ZC3H15: variants seen among roughly 807,000 people sequenced by gnomAD.
ZC3H15 encodes the protein zinc finger CCCH-type containing 15, also known as zinc finger CCCH domain-containing protein 15.
ZC3H15 carries 15 observed loss-of-function variants against 51.2 expected under a neutral mutation model. The observed-to-expected ratio is 0.29, with a 90% CI of 0.20 to 0.45. The LOEUF (loss-of-function observed/expected upper bound fraction) is 0.45, where lower values mean the gene tolerates loss of function less well. Ranked by LOEUF, ZC3H15 falls within the 20% of genes least tolerant of loss-of-function variation. The pLI is 1.00. For missense variants in ZC3H15, 381 were observed against 494.7 expected (o/e 0.77, Z 2.18); for synonymous variants, 144 against 162.8 (o/e 0.88, Z 0.88).
chr2:186,505,772 T>C lies in ZC3H15; in HGVS notation c.897T>C (p.Pro299=), dbSNP rs78867294. 4.5e-5 allele frequency: 72 copies of C among 1,614,148 alleles called. 1 individual carries two copies. In the African/African-American group the frequency reaches 9.3e-4, roughly 21 times the overall value. The change falls in exon 8 of 10, where the codon CCT becomes CCC. Residue 299 remains proline (P), a synonymous_variant. Coordinates refer to ENST00000337859, the MANE Select transcript of ZC3H15 (RefSeq NM_018471.3). Reference sequence around the variant, plus strand: ...GTCGTGAAGTGTTTGAATTTCGTCCTGAACTGGTCAATGATGATGATGAGG... The same window carrying C: ...GTCGTGAAGTGTTTGAATTTCGTCCCGAACTGGTCAATGATGATGATGAGG... ...ISGREVFEFR[P]ELVNDDDEEA...
chr2:186,491,112 T>C (rs188284967), intron 1 of ZC3H15, among the ~76,000 whole-genome samples: 10 of 152,320 alleles, frequency 6.6e-5, no homozygotes, highest in Admixed American at 5.9e-4. Context: ...GTGCTATTGG[T>C]ATCTCAGATC....
intron 1 of ZC3H15, among the ~76,000 whole-genome samples, chr2:186,489,689 A>C (rs867977763): frequency 6.6e-6 from 1 of 152,158 alleles, no homozygotes; most frequent in Non-Finnish European, 1.5e-5. Flanking sequence ...TGCCACCTCT[A>C]TGGACCTTCA....
At chr2:186,502,651 G>A in intron 5 of ZC3H15, 64 bp downstream of exon 5, 3 of 1,306,540 alleles carry the variant, frequency 2.3e-6, no homozygotes, top group South Asian at 1.3e-5. Flanking sequence ...ATGTGGCAAG[G>A]TATTTGCTGC....
intron 1 of ZC3H15, among the ~76,000 whole-genome samples, chr2:186,490,742 A>G (rs1378677211): frequency 6.6e-6 from 1 of 152,094 alleles, no homozygotes; most frequent in Non-Finnish European, 1.5e-5. Context: ...GAATGGGATT[A>G]CGTACGGATG....
Position 186,508,639 on chromosome 2 carries a change from C to T in ZC3H15, c.1187C>T (p.Ala396Val). 5.0e-6 allele frequency: 8 copies of T among 1,613,972 alleles called. No individual in the cohort carries two copies. Among genetic ancestry groups the T allele is most frequent in the Non-Finnish European group, 6.8e-6 (8 of 1,179,968 alleles). ...DNEREGTENG[A>V]IDAVPVDENL... ...GAGAGGGAGGGAACGGAAAATGGAG[C>T]CATTGATGCTGTTCCTGTTGATGAA... The change falls in exon 10 of 10, where the codon GCC becomes GTC. Residue 396 changes from alanine (A) to valine (V), a missense_variant. Ala to Val is a moderately conservative substitution (Grantham distance 64). Around this residue, in one of 3 missense-constraint regions of ZC3H15, gnomAD observed 215 missense variants for 241.8 expected, o/e 0.89. Coordinates refer to ENST00000337859, the MANE Select transcript of ZC3H15 (RefSeq NM_018471.3).
chr2:186,504,279 T>C, intron 6 of ZC3H15, 65 bp downstream of exon 6: 1 of 1,290,878 alleles, frequency 7.7e-7, no homozygotes, highest in Non-Finnish European at 9.9e-7. Context: ...TTCTAATACT[T>C]ACCACTTGGG....
At position 186,505,750 on chromosome 2, in the gene ZC3H15, G is replaced by A; in HGVS notation, c.875G>A (p.Arg292His). 1.2e-6 allele frequency: 2 copies of A among 1,614,044 alleles called. No homozygotes were observed. Among genetic ancestry groups the A allele is most frequent in the Non-Finnish European group, 1.7e-6 (2 of 1,179,976 alleles). The change falls in exon 8 of 10, where the codon CGT (arginine) becomes CAT (histidine). Residue 292 changes from arginine to histidine, a missense_variant. Arg to His is a conservative substitution (Grantham distance 29). Coordinates refer to ENST00000337859, the MANE Select transcript of ZC3H15 (RefSeq NM_018471.3). ...KAGKALVISG[R>H]EVFEFRPELV... is the part of the protein sequence containing the mutation. ...TGTGTGTCTCAATAGATCAGTGGTC[G>A]TGAAGTGTTTGAATTTCGTCCTGAA...
In ZC3H15 at chr2:186,502,372, C is replaced by G. The variant is rs574629910; in HGVS notation, c.443-124C>G. On this transcript the variant is annotated intron_variant, in intron 4 of 9. Coordinates refer to ENST00000337859, the MANE Select transcript of ZC3H15 (RefSeq NM_018471.3). ...GAGCAACAGTGAGACCCCGTCTCAA[C>G]AAAAAGAAAAAGAAAAATGTGTTAA... The G allele has an allele frequency of 7.2e-5, 57 of 796,244 alleles. No individual in the cohort carries two copies. In the South Asian group the frequency reaches 1.3e-3, roughly 18 times the overall value. The allele number at this position is 796,244 out of a possible 1,614,324, so 49.3% of individuals were successfully genotyped here.
chr2:186,487,047 A>G (rs936491358), intron 1 of ZC3H15: 1 of 152,358 alleles, frequency 6.6e-6, no homozygotes, highest in Non-Finnish European at 1.5e-5. Flanking sequence ...TCTGAAGTGG[A>G]TTAAATAGGA....
In ZC3H15 at chr2:186,508,966, A is replaced by G. The variant is rs1344908441; in HGVS notation, c.*233A>G. 1 of 615,874 alleles carries G rather than the reference A, an allele frequency of 1.6e-6. No individual in the cohort carries two copies. The highest frequency in any genetic ancestry group is 3.0e-6 in the Non-Finnish European group (1 of 333,916). 38.2% of individuals were successfully genotyped at this position (615,874 alleles called of 1,614,324 possible). On this transcript the variant is annotated 3_prime_UTR_variant, in exon 10 of 10. Transcript: ENST00000337859. The stretch of plus-strand genomic sequence containing the variant: ...AAATTGAAAATATAATGGTCATTGC[A>G]GAAAATGATTGATGTTGTAACTGTC...
chr2:186,489,773 G>A (rs1022020683), intron 1 of ZC3H15, among the ~76,000 whole-genome samples: 4 of 152,166 alleles, frequency 2.6e-5, no homozygotes, highest in Non-Finnish European at 5.9e-5. Flanking sequence ...ATAAATTAAT[G>A]AAAGGAACAC....
At chr2:186,502,344 C>G in intron 4 of ZC3H15, 152 bp from the exon 5 acceptor site, 1 of 573,178 alleles carries the variant, frequency 1.7e-6, no homozygotes, top group Non-Finnish European at 2.9e-6. Context: ...CACACTCCAT[C>G]CTGAGCAACA....
At chr2:186,489,323 A>G (rs1685157642) in intron 1 of ZC3H15, among the ~76,000 whole-genome samples, 1 of 152,210 alleles carries the variant, frequency 6.6e-6, no homozygotes, top group Non-Finnish European at 1.5e-5. Flanking sequence ...TCTGTTATTC[A>G]GCCTGGTTAG....
intron 2 of ZC3H15, among the ~76,000 whole-genome samples, chr2:186,498,117 C>CTACCAATATG (rs2105589552): frequency 6.6e-6 from 1 of 152,330 alleles, no homozygotes; most frequent in East Asian, 1.9e-4. Flanking sequence ...GTCCATTGTG[C>CTACCAATATG]TACCAATATG....
At chr2:186,488,611 G>C (rs1210961571) in intron 1 of ZC3H15, 1 of 152,150 alleles carries the variant, frequency 6.6e-6, no homozygotes, top group Non-Finnish European at 1.5e-5. Flanking sequence ...CGTTATAATT[G>C]ACGCTTGAAA....
At position 186,502,397 on chromosome 2, in the gene ZC3H15, A is replaced by C. The variant is rs1685399044; in HGVS notation, c.443-99A>C. 7 of 975,180 alleles carry C rather than the reference A, an allele frequency of 7.2e-6. No homozygotes were observed. The South Asian group carries it at 1.3e-4, about 18-fold the overall frequency. 60.4% of individuals were successfully genotyped at this position (975,180 alleles called of 1,614,324 possible). ...CAAAAAGAAAAAGAAAAATGTGTTA[A>C]GCCATGAGTCTTATAACACAGCATT... is the stretch of plus-strand genomic sequence containing the variant. On this transcript the variant is annotated intron_variant, in intron 4 of 9. Transcript: ENST00000337859.
In ZC3H15 at chr2:186,486,459, T is replaced by C; in HGVS notation, c.75+2T>C. ...AAAAAGAAGGAGAAGATTATCGAAG[T>C]GAGTACCCACCCCTCCCCCACTCAC... On this transcript the variant is annotated splice_donor_variant, in intron 1 of 9. Transcript: ENST00000337859. LOFTEE classifies it high-confidence loss of function. The C allele has an allele frequency of 6.4e-7, 1 of 1,561,278 alleles. No individual in the cohort carries two copies. Among genetic ancestry groups the C allele is most frequent in the Non-Finnish European group, 8.7e-7 (1 of 1,151,410 alleles).
At chr2:186,504,671 T>C (rs1054915252) in intron 6 of ZC3H15, among the ~76,000 whole-genome samples, 6 of 152,234 alleles carry the variant, frequency 3.9e-5, no homozygotes, top group African/African-American at 1.4e-4. Flanking sequence ...TAGAAGGGAA[T>C]GAGTCTGAAG....
At chr2:186,487,438 A>G (rs564782428) in intron 1 of ZC3H15, 1 of 152,352 alleles carries the variant, frequency 6.6e-6, no homozygotes, top group African/African-American at 2.4e-5. Context: ...TATAATTAGA[A>G]AAAGCCATGA....
Sources: gnomAD v4.1 joint callset for allele counts (sites outside exome capture counted in the v4.1 genomes callset) on GRCh38, gnomAD v4.1.1 for gene constraint, gnomAD v4.1.1 regional missense constraint, MANE v1.5 for transcripts, NCBI Gene and HGNC (gene_info 2026-07-23, HGNC 2026-07-21) for gene names.